The following PCGF3 variants were observed in gnomAD, a reference collection of about 807,000 sequenced individuals.
PCGF3 encodes the protein polycomb group RING finger protein 3.
A neutral mutation model predicts 33.1 loss-of-function variants in PCGF3; 7 were observed. That is an observed-to-expected ratio of 0.21 (90% CI 0.12 to 0.40). The LOEUF (loss-of-function observed/expected upper bound fraction) is 0.40. Among genes scored for constraint, PCGF3 ranks in the 10% least tolerant of loss-of-function variants. PCGF3 has a pLI of 1.00. For synonymous variants in PCGF3, 153 were observed against 121.3 expected, an observed-to-expected ratio of 1.26 and a Z score of -1.72; for missense variants, 211 against 313.3, an observed-to-expected ratio of 0.67 and a Z score of 2.46.
chr4:723,266 G>A (rs1308008046), intron 1 of PCGF3, among the ~76,000 whole-genome samples: 1 of 152,268 alleles, frequency 6.6e-6, no homozygotes, highest in East Asian at 1.9e-4. Context: ...CAGTTGCCGG[G>A]AGCCATGGAG....
intron 1 of PCGF3, among the ~76,000 whole-genome samples, chr4:729,196 C>T (rs1390766291): frequency 6.7e-6 from 1 of 148,756 alleles, no homozygotes; most frequent in Non-Finnish European, 1.5e-5. Context: ...GGGAGGATCA[C>T]TTGACCCCAG....
At chr4:705,915 C>T (rs1350913802) in exon 1 of PCGF3, 1 of 152,230 alleles carries the variant, frequency 6.6e-6, no homozygotes, top group African/African-American at 2.4e-5. Flanking sequence ...CGCCCCCTCC[C>T]CCCTCCGGCG....
At chr4:712,569 C>T (rs949355474) in intron 1 of PCGF3, among the ~76,000 whole-genome samples, 4 of 152,186 alleles carry the variant, frequency 2.6e-5, no homozygotes, top group Non-Finnish European at 2.9e-5. Flanking sequence ...GCCTCAGCTC[C>T]CTAAGTAGCT....
intron 8 of PCGF3, among the ~76,000 whole-genome samples, chr4:757,915 TC>T (rs1744842746): frequency 6.6e-6 from 1 of 152,094 alleles, no homozygotes; most frequent in African/African-American, 2.4e-5. Context: ...ACGCCTGTAA[TC>T]CTAGCACTTT....
intron 8 of PCGF3, among the ~76,000 whole-genome samples, chr4:758,290 GCCA>G (rs1441795925): frequency 1.4e-5 from 2 of 145,314 alleles, no homozygotes; most frequent in African/African-American, 5.2e-5. Flanking sequence ...CACTTCTTCC[GCCA>G]AACTCCAGGT....
chr4:737,937 TCAC>T (rs1416496414), intron 6 of PCGF3, among the ~76,000 whole-genome samples: 1 of 152,174 alleles, frequency 6.6e-6, no homozygotes, highest in Non-Finnish European at 1.5e-5. Flanking sequence ...TAGAAAAACT[TCAC>T]CATAAAGTCA....
intron 8 of PCGF3, among the ~76,000 whole-genome samples, chr4:750,612 C>T (rs567236408): frequency 3.5e-4 from 53 of 152,126 alleles, no homozygotes; most frequent in African/African-American, 1.3e-3. Flanking sequence ...AAATGATTTC[C>T]TATTTGTGAG....
At chr4:706,395 G>C (rs927306716) in intron 1 of PCGF3, among the ~76,000 whole-genome samples, 3 of 148,406 alleles carry the variant, frequency 2.0e-5, no homozygotes, top group Non-Finnish European at 1.5e-5. Context: ...ACGCAGGGAG[G>C]GCAAGACCCC....
At chr4:731,228 T>C in intron 3 of PCGF3, 118 bp downstream of exon 3, 1 of 398,552 alleles carries the variant, frequency 2.5e-6, no homozygotes, top group Non-Finnish European at 4.4e-6. Flanking sequence ...CGATGCAGTG[T>C]TCACGGTTCA....
chr4:721,755 C>A lies in PCGF3; in HGVS notation c.-189-8875C>A, dbSNP rs187303540. ...CTCTGTGTATGGGCATGGGGAGGGGCCTGTGGGAGGTGGATGGGTTGGGTG... is the reference window on the plus strand; with the variant it reads ...CTCTGTGTATGGGCATGGGGAGGGGACTGTGGGAGGTGGATGGGTTGGGTG... On this transcript the variant is annotated intron_variant, in intron 1 of 10. Transcript: ENST00000362003. This position sits in a 1 kb window ranked among gnomAD's most constrained non-coding sequence, Gnocchi z 4.1. Among the ~76,000 whole-genome samples, 183 of 100,524 alleles carry A rather than the reference C, an allele frequency of 1.8e-3. 1 individual carries two copies. Among genetic ancestry groups the A allele is most frequent in the African/African-American group, 5.0e-3 (172 of 34,518 alleles). 65.9% of individuals were successfully genotyped at this position (100,524 alleles called of 152,430 possible).
intron 6 of PCGF3, among the ~76,000 whole-genome samples, chr4:740,066 T>G (rs1177849211): frequency 6.6e-6 from 1 of 152,278 alleles, no homozygotes; most frequent in Non-Finnish European, 1.5e-5. Context: ...GGAGGCTACT[T>G]GCAATTTGTT....
chr4:733,877 C>G (rs533273644), intron 4 of PCGF3, 88 bp downstream of exon 4: 2 of 1,605,708 alleles, frequency 1.2e-6, no homozygotes, highest in East Asian at 2.3e-5. Flanking sequence ...TTACCACACG[C>G]TTTTAGCTCA....
exon 11 of PCGF3, chr4:766,166 CAT>C: frequency 9.5e-7 from 1 of 1,048,178 alleles, no homozygotes; most frequent in East Asian, 2.4e-5. Flanking sequence ...CTCTGGGTGT[CAT>C]GTGGACCAGA....
chr4:717,914 C>A (rs139694966), intron 1 of PCGF3, among the ~76,000 whole-genome samples: 5 of 152,306 alleles, frequency 3.3e-5, no homozygotes, highest in African/African-American at 1.2e-4. Context: ...CCCTGAGGAG[C>A]CTCTGCGTCC....
Position 735,125 on chromosome 4 carries a change from C to T in PCGF3, c.206+98C>T, listed in dbSNP as rs539853173. 2.6e-5 allele frequency: 35 copies of T among 1,333,322 alleles called. 2 individuals carry two copies. The South Asian group carries it at 4.7e-4, about 18-fold the overall frequency. The allele number at this position is 1,333,322 out of a possible 1,614,324, so 82.6% of individuals were successfully genotyped here. On this transcript the variant is annotated intron_variant, in intron 5 of 10. Coordinates refer to ENST00000362003, the Ensembl canonical transcript of PCGF3. ...CAGGCCATTAGCGCTGTACTCCCAT[C>T]CTGCCTTGGCAGCAGCCTCTCCTGA...
chr4:767,665 G>C (rs963370129), exon 11 of PCGF3: 1 of 152,226 alleles, frequency 6.6e-6, no homozygotes, highest in African/African-American at 2.4e-5. Flanking sequence ...GTGATTGTCA[G>C]TGTAAGGCCT....
At chr4:718,240 G>A (rs1465020031) in intron 1 of PCGF3, among the ~76,000 whole-genome samples, 1 of 152,112 alleles carries the variant, frequency 6.6e-6, no homozygotes, top group Non-Finnish European at 1.5e-5. Context: ...GAGAGGAAAC[G>A]TGGAGTCGGG....
chr4:738,632 C>T (rs1202309362), intron 6 of PCGF3, among the ~76,000 whole-genome samples: 1 of 150,934 alleles, frequency 6.6e-6, no homozygotes, highest in Non-Finnish European at 1.5e-5. Context: ...GGTGGATCAT[C>T]AGGTCAAGAG....
intron 1 of PCGF3, among the ~76,000 whole-genome samples, chr4:729,122 A>C (rs1196347548): frequency 2.0e-5 from 3 of 148,984 alleles, no homozygotes; most frequent in Admixed American, 6.7e-5. Context: ...AAAAAAAAAA[A>C]AAAAAAACTG....
Sources: gnomAD v4.1 joint callset for allele counts (sites outside exome capture counted in the v4.1 genomes callset) on GRCh38, gnomAD v4.1.1 for gene constraint, Gnocchi (gnomAD v3.1) non-coding constraint, MANE v1.5 for transcripts, NCBI Gene and HGNC (gene_info 2026-07-23, HGNC 2026-07-21) for gene names.